Variants in BBS9 observed in about 807,000 individuals in gnomAD.
BBS9 encodes Bardet-Biedl syndrome 9.
In BBS9, 89 loss-of-function variants were observed where a neutral mutation model predicts 117.7. That is an observed-to-expected ratio of 0.76 (90% confidence interval 0.64 to 0.90). BBS9 has a LOEUF of 0.90. Ranked by LOEUF, BBS9 falls within the 40% of genes least tolerant of loss-of-function variation. The pLI, the probability that BBS9 is intolerant of heterozygous loss-of-function variation, is 0.00. For synonymous variants in BBS9, 379 were observed against 370.9 expected (o/e 1.02, Z -0.25); for missense variants, 982 against 1,042.2 (o/e 0.94, Z 0.80).
At chr7:33,545,815 C>T (rs2129079940) in intron 21 of BBS9, among the ~76,000 whole-genome samples, 1 of 151,620 alleles carries the variant, frequency 6.6e-6, no homozygotes, top group South Asian at 2.1e-4. Flanking sequence ...TGTGTATACA[C>T]TCACTACGTA....
chr7:33,599,844 T>C (rs997656608), intron 21 of BBS9, among the ~76,000 whole-genome samples: 4 of 152,184 alleles, frequency 2.6e-5, no homozygotes, highest in Non-Finnish European at 4.4e-5. Context: ...TGACTCAAGA[T>C]GCCAGATTCC....
At chr7:33,278,084 T>A (rs545745416) in intron 9 of BBS9, among the ~76,000 whole-genome samples, 1 of 152,168 alleles carries the variant, frequency 6.6e-6, no homozygotes, top group Non-Finnish European at 1.5e-5. Context: ...TTAAGGGAGC[T>A]TGAAGGTTAG....
chr7:33,574,827 C>CTA (rs34586565), intron 21 of BBS9, among the ~76,000 whole-genome samples: 61,805 of 151,530 alleles, frequency 0.41, 17,564 homozygotes, highest in African/African-American at 0.81. Context: ...AGTGGAAAGA[C>CTA]TTTCAAAAGA....
chr7:33,497,730 A>G (rs1214538236), intron 19 of BBS9, among the ~76,000 whole-genome samples: 1 of 152,164 alleles, frequency 6.6e-6, no homozygotes, highest in African/African-American at 2.4e-5. Context: ...GTAACTTACA[A>G]GCTTTTCATC....
intron 5 of BBS9, among the ~76,000 whole-genome samples, chr7:33,216,278 TG>T: frequency 6.6e-6 from 1 of 152,338 alleles, no homozygotes; most frequent in Admixed American, 6.5e-5. Flanking sequence ...AAAAATAGAA[TG>T]GTTCTTCCAT....
intron 21 of BBS9, among the ~76,000 whole-genome samples, chr7:33,634,010 C>T (rs965281495): frequency 2.0e-5 from 3 of 152,198 alleles, no homozygotes; most frequent in African/African-American, 7.2e-5. Context: ...TTTGGGAATC[C>T]GTAGCTGACT....
intron 20 of BBS9, among the ~76,000 whole-genome samples, chr7:33,522,831 G>A (rs1452415243): frequency 6.6e-6 from 1 of 151,652 alleles, no homozygotes; most frequent in African/African-American, 2.4e-5. Flanking sequence ...CCATGCCTAT[G>A]TCCTGAATGG....
intron 5 of BBS9, among the ~76,000 whole-genome samples, chr7:33,226,691 G>A (rs1301426578): frequency 1.3e-5 from 2 of 152,158 alleles, no homozygotes; most frequent in African/African-American, 4.8e-5. Context: ...ATGTACAATG[G>A]AATATTATTT....
chr7:33,551,110 G>C (rs1396742112), intron 21 of BBS9, among the ~76,000 whole-genome samples: 1 of 152,138 alleles, frequency 6.6e-6, no homozygotes, highest in Non-Finnish European at 1.5e-5. Flanking sequence ...GTGTTTGCTT[G>C]TTGGTTGCTC....
intron 9 of BBS9, among the ~76,000 whole-genome samples, chr7:33,280,575 AACT>A (rs532066225): frequency 2.3e-3 from 347 of 152,292 alleles, no homozygotes; most frequent in African/African-American, 8.2e-3. Context: ...TATGTTGATG[AACT>A]ACTATTTGAC....
intron 9 of BBS9, among the ~76,000 whole-genome samples, chr7:33,279,064 G>T (rs1180749699): frequency 6.6e-6 from 1 of 152,140 alleles, no homozygotes; most frequent in Non-Finnish European, 1.5e-5. Context: ...TAGAGACAGG[G>T]TCTTGCTCTA....
intron 19 of BBS9, among the ~76,000 whole-genome samples, chr7:33,462,068 G>A (rs1037263146): frequency 1.3e-5 from 2 of 151,738 alleles, no homozygotes; most frequent in Non-Finnish European, 2.9e-5. Context: ...TAGTTTTTTT[G>A]TAGGGTAGGA....
chr7:33,521,298 G>C (rs752579998), intron 20 of BBS9, among the ~76,000 whole-genome samples: 1 of 152,186 alleles, frequency 6.6e-6, no homozygotes, highest in Non-Finnish European at 1.5e-5. Flanking sequence ...CTTTCTGCTT[G>C]CACTGCAGCC....
chr7:33,601,241 T>G (rs73690945), intron 21 of BBS9, among the ~76,000 whole-genome samples: 3,233 of 152,218 alleles, frequency 0.021, 139 homozygotes, highest in African/African-American at 0.074. Flanking sequence ...GACGCTTGCC[T>G]GATTTCCAGG....
At chr7:33,150,263 T>C (rs541762964) in intron 2 of BBS9, among the ~76,000 whole-genome samples, 1 of 152,296 alleles carries the variant, frequency 6.6e-6, no homozygotes, top group East Asian at 1.9e-4. Context: ...TAGATGACAA[T>C]TTTGAGATTT....
At chr7:33,173,354 G>A (rs1796879980) in intron 4 of BBS9, among the ~76,000 whole-genome samples, 1 of 152,084 alleles carries the variant, frequency 6.6e-6, no homozygotes, top group Admixed American at 6.5e-5. Flanking sequence ...GCTGAGGCGG[G>A]TGGATCACGA....
At chr7:33,584,244 G>T (rs1486167046) in intron 21 of BBS9, among the ~76,000 whole-genome samples, 2 of 151,554 alleles carry the variant, frequency 1.3e-5, no homozygotes, top group East Asian at 3.9e-4. Flanking sequence ...TTATATTTTT[G>T]GAATTTTTTA....
Position 33,553,975 on chromosome 7 carries a change from C to T in BBS9, c.2521+19799C>T, listed in dbSNP as rs77408807. Among the ~76,000 whole-genome samples the T allele has an allele frequency of 5.5e-3, 838 of 151,876 alleles. 6 individuals are homozygous for T. Among genetic ancestry groups the T allele is most frequent in the African/African-American group, 7.0e-3 (292 of 41,434 alleles). The stretch of plus-strand genomic sequence containing the variant: ...GAGAGTTTGTGGTGGAGGCTACTTT[C>T]GATAGGGTGATTGGGGAAGGCTTCT... On this transcript the variant is annotated intron_variant, in intron 21 of 22. Coordinates refer to ENST00000242067, the MANE Select transcript of BBS9 (RefSeq NM_198428.3).
intron 12 of BBS9, among the ~76,000 whole-genome samples, chr7:33,345,032 G>A (rs1316841557): frequency 4.6e-5 from 7 of 152,274 alleles, no homozygotes; most frequent in Non-Finnish European, 7.4e-5. Flanking sequence ...GGAGAAGCAC[G>A]GGGATGGTAA....
Sources: allele counts gnomAD v4.1 joint callset (sites outside exome capture counted in the v4.1 genomes callset), GRCh38; gene constraint gnomAD v4.1.1; transcripts MANE v1.5; gene names NCBI Gene and HGNC (gene_info 2026-07-23, HGNC 2026-07-21).